The following RAP1GAP variants were observed in gnomAD, a reference collection of about 807,000 sequenced individuals.
RAP1GAP encodes the protein rap1 GTPase-activating protein 1.
RAP1GAP carries 35 observed loss-of-function variants against 87.2 expected under a neutral mutation model. The observed-to-expected ratio is 0.40, with a 90% CI of 0.31 to 0.53. The LOEUF is 0.53. RAP1GAP is among the 20% of genes least tolerant of loss of function. The pLI, the probability that RAP1GAP is intolerant of heterozygous loss-of-function variation, is 0.48. For synonymous variants in RAP1GAP, 375 were observed against 363.9 expected, an observed-to-expected ratio of 1.03 and a Z score of -0.35; for missense variants, 734 against 898.9, an observed-to-expected ratio of 0.82 and a Z score of 2.35.
chr1:21,659,991 C>T (rs1235489542), intron 1 of RAP1GAP, among the ~76,000 whole-genome samples: 2 of 152,072 alleles, frequency 1.3e-5, no homozygotes, highest in Non-Finnish European at 1.5e-5. Context: ...GAGGGACGCT[C>T]CTGCCAGGGA....
At chr1:21,657,182 A>T (rs1162745014) in intron 1 of RAP1GAP, among the ~76,000 whole-genome samples, 1 of 152,248 alleles carries the variant, frequency 6.6e-6, no homozygotes, top group African/African-American at 2.4e-5. Flanking sequence ...ATGCATGCAG[A>T]CAGGCTCACA....
At position 21,622,601 on chromosome 1, in the gene RAP1GAP, G is replaced by C. The variant is rs1038152699; in HGVS notation, c.-18-2551C>G. 2 of 146,418 alleles carry C rather than the reference G, an allele frequency of 1.4e-5. No homozygotes were observed. The highest frequency in any genetic ancestry group is 4.9e-5 in the African/African-American group (2 of 40,866). The allele number at this position is 146,418 out of a possible 1,614,324, so 9.1% of individuals were successfully genotyped here. A position where few individuals can be genotyped will look rare whatever the true frequency, so the allele number is the denominator to read the frequency against. On this transcript the variant is annotated intron_variant, in intron 3 of 24. Coordinates refer to ENST00000374765, the MANE Select transcript of RAP1GAP (RefSeq NM_002885.4). The surrounding 1 kb of genome is among the most constrained non-coding windows in gnomAD (Gnocchi z 5.7). ...CCGGAGGGGGCGGGGCGCCAGGTAC[G>C]GGCGGCACGGCGCGGGGCGGGGCGG...
intron 1 of RAP1GAP, chr1:21,651,411 C>T (rs1326914878): frequency 3.6e-6 from 2 of 549,512 alleles, no homozygotes; most frequent in South Asian, 1.4e-5. Flanking sequence ...TGAGCAGTTG[C>T]GCACACACGC....
chr1:21,602,981 C>A, intron 18 of RAP1GAP, 68 bp from the exon 19 acceptor site: 1 of 1,150,536 alleles, frequency 8.7e-7, no homozygotes, highest in Non-Finnish European at 1.3e-6. Context: ...CACATCCCCT[C>A]TGGGGATCCT....
At chr1:21,638,456 CA>C (rs34567376) in intron 2 of RAP1GAP, among the ~76,000 whole-genome samples, 46,247 of 127,972 alleles carry the variant, frequency 0.36, 7,770 homozygotes, top group Middle Eastern at 0.46. Flanking sequence ...GACTCTGTCT[CA>C]AAAAAAAAAA....
chr1:21,611,539 G>C lies in RAP1GAP; in HGVS notation c.756C>G (p.Thr252=). ...GLDVTHGQTG[T]ESVYCNFRNK... ...TGCGGAAGTTGCAGTACACAGATTCGGTCCCCGTCTGCCCGTGGGTCACGT... is the reference window on the plus strand; with the variant it reads ...TGCGGAAGTTGCAGTACACAGATTCCGTCCCCGTCTGCCCGTGGGTCACGT... The change falls in exon 13 of 25, where the codon ACC becomes ACG. Residue 252 remains threonine, a synonymous_variant. Transcript: ENST00000374765. 2 of 1,614,152 alleles carry C rather than the reference G, an allele frequency of 1.2e-6. No homozygotes were observed. Among genetic ancestry groups the C allele is most frequent in the Non-Finnish European group, 1.7e-6 (2 of 1,180,028 alleles).
chr1:21,628,987 A>G (rs2093126061), intron 2 of RAP1GAP, among the ~76,000 whole-genome samples: 2 of 152,118 alleles, frequency 1.3e-5, no homozygotes, highest in African/African-American at 4.8e-5. Context: ...GAGACCTACT[A>G]TGTGACTGGG....
At chr1:21,610,719 A>C (rs1175450194) in intron 13 of RAP1GAP, among the ~76,000 whole-genome samples, 1 of 152,190 alleles carries the variant, frequency 6.6e-6, no homozygotes, top group African/African-American at 2.4e-5. Flanking sequence ...CCTACCTCTC[A>C]GCCCTTCTCC....
chr1:21,607,912 G>T (rs1269178142), intron 17 of RAP1GAP, among the ~76,000 whole-genome samples: 1 of 124,246 alleles, frequency 8.0e-6, no homozygotes, highest in Admixed American at 8.4e-5. Context: ...CCCCAGCCAC[G>T]TCCCATCCCA....
At chr1:21,611,389 A>G (rs1000622002) in intron 13 of RAP1GAP, 63 bp downstream of exon 13, 2 of 1,558,536 alleles carry the variant, frequency 1.3e-6, no homozygotes, top group Admixed American at 3.9e-5. Context: ...ATGGAGGCTG[A>G]ACAGACAGGT....
At position 21,598,388 on chromosome 1, in the gene RAP1GAP, T is replaced by C. The variant is rs2148413362; in HGVS notation, c.1879+12A>G. ...AGCCCTGCTTTGTGGGGAAGCTGCC[T>C]TGTCCTGGTACCTGGGGAGCTGCCC... On this transcript the variant is annotated intron_variant, in intron 22 of 24. Coordinates refer to ENST00000374765, the MANE Select transcript of RAP1GAP (RefSeq NM_002885.4). The C allele has an allele frequency of 6.2e-7, 1 of 1,604,800 alleles. No individual in the cohort carries two copies. The highest frequency in any genetic ancestry group is 8.5e-7 in the Non-Finnish European group (1 of 1,171,600).
chr1:21,624,951 G>A (rs1204460321), intron 3 of RAP1GAP, among the ~76,000 whole-genome samples: 3 of 152,160 alleles, frequency 2.0e-5, no homozygotes, highest in African/African-American at 7.2e-5. Context: ...CTCCTGAGAT[G>A]CTCAGGGGAA....
chr1:21,626,205 C>T (rs1249924574), intron 3 of RAP1GAP, 99 bp downstream of exon 3: 13 of 1,116,512 alleles, frequency 1.2e-5, no homozygotes, highest in Non-Finnish European at 1.8e-5. Context: ...GAACATTTTA[C>T]CTTTGCCCAA....
At chr1:21,657,564 C>A (rs966500618) in intron 1 of RAP1GAP, among the ~76,000 whole-genome samples, 4 of 152,198 alleles carry the variant, frequency 2.6e-5, no homozygotes, top group African/African-American at 9.6e-5. Context: ...GAGGCCAAGA[C>A]ACCTCTCATG....
At chr1:21,643,729 C>T (rs1164190260) in intron 2 of RAP1GAP, among the ~76,000 whole-genome samples, 1 of 152,164 alleles carries the variant, frequency 6.6e-6, no homozygotes, top group African/African-American at 2.4e-5. Context: ...GAGAACATCC[C>T]CCTGCGCATA....
At chr1:21,635,064 G>A (rs925021406) in intron 2 of RAP1GAP, among the ~76,000 whole-genome samples, 23 of 152,174 alleles carry the variant, frequency 1.5e-4, no homozygotes, top group Admixed American at 6.5e-5. Flanking sequence ...CTGCCTGGAA[G>A]AAAACTGGAG....
intron 7 of RAP1GAP, 61 bp from the exon 8 acceptor site, chr1:21,614,150 A>G (rs2149474787): frequency 8.1e-7 from 1 of 1,231,890 alleles, no homozygotes; most frequent in Non-Finnish European, 1.2e-6. Flanking sequence ...TTTTGGAAAC[A>G]AGGCCAGAAA....
In RAP1GAP at chr1:21,644,857, C is replaced by T. The variant is rs376725267; in HGVS notation, c.-113+4904G>A. 6.1e-5 allele frequency among the ~76,000 whole-genome samples: 9 copies of T among 147,448 alleles called. 1 individual carries two copies. Among genetic ancestry groups the T allele is most frequent in the African/African-American group, 2.0e-4 (8 of 39,688 alleles). ...TGGAGGTTGCAGTGAACCGAGATCG[C>T]GCCACTGCACCCCAGCCTGGGTAAC... On this transcript the variant is annotated intron_variant, in intron 2 of 24. Transcript: ENST00000374765.
chr1:21,598,803 T>C (rs1344100757), intron 21 of RAP1GAP, among the ~76,000 whole-genome samples: 2 of 152,240 alleles, frequency 1.3e-5, no homozygotes, highest in African/African-American at 2.4e-5. Flanking sequence ...GAGCCTGATA[T>C]CTGGGAGGCA....
Sources: allele counts gnomAD v4.1 joint callset (sites outside exome capture counted in the v4.1 genomes callset), GRCh38; gene constraint gnomAD v4.1.1; non-coding constraint Gnocchi (gnomAD v3.1); transcripts MANE v1.5; gene names NCBI Gene and HGNC (gene_info 2026-07-23, HGNC 2026-07-21).